Variants in SLC9B2 observed in about 807,000 individuals in gnomAD.
SLC9B2 encodes solute carrier family 9 member B2.
In SLC9B2, 39 loss-of-function variants were observed where a neutral mutation model predicts 52.2. That is an observed-to-expected ratio of 0.75 (90% confidence interval 0.58 to 0.98). SLC9B2 has a LOEUF of 0.98. SLC9B2 is among the 50% of genes least tolerant of loss of function. SLC9B2 has a pLI of 0.00. For synonymous variants in SLC9B2, 214 were observed against 227.0 expected (o/e 0.94, Z 0.51); for missense variants, 626 against 637.5 (o/e 0.98, Z 0.19).
At position 103,026,603 on chromosome 4, in the gene SLC9B2, T is replaced by TA. The variant is rs1199048402; in HGVS notation, c.1393-13dup. On this transcript the variant is annotated splice_polypyrimidine_tract_variant and intron_variant, in intron 11 of 11. Coordinates refer to ENST00000394785, the MANE Select transcript of SLC9B2 (RefSeq NM_178833.7). ...GATCCTATTGCAGCCTATAAAAGTTTAAGGGTAAAAATGGAATCATGATAA... is the reference window on the plus strand; with the variant it reads ...GATCCTATTGCAGCCTATAAAAGTTTAAAGGGTAAAAATGGAATCATGATAA... 10 of 1,597,246 alleles carry TA rather than the reference T, an allele frequency of 6.3e-6. No individual in the cohort carries two copies. In the African/African-American group the frequency reaches 1.3e-4, roughly 21 times the overall value.
chr4:103,045,170 T>C (rs1455219900), intron 7 of SLC9B2, among the ~76,000 whole-genome samples, 174 bp from the exon 8 acceptor site: 5 of 152,154 alleles, frequency 3.3e-5, no homozygotes, highest in Admixed American at 6.6e-5. Flanking sequence ...CCATAGCATA[T>C]AGGATTTAGG....
At chr4:103,038,046 GA>G (rs1743325965) in intron 9 of SLC9B2, among the ~76,000 whole-genome samples, 1 of 151,950 alleles carries the variant, frequency 6.6e-6, no homozygotes, top group Admixed American at 6.6e-5. Flanking sequence ...ATTTTTAGTA[GA>G]GATGAGGTTT....
Position 103,057,819 on chromosome 4 carries a change from G to C in SLC9B2, c.424C>G (p.Pro142Ala). 6.2e-7 allele frequency: 1 copy of C among 1,613,708 alleles called. No individual in the cohort carries two copies. Among genetic ancestry groups the C allele is most frequent in the East Asian group, 2.2e-5 (1 of 44,844 alleles). Residue 142 changes from proline to alanine, a missense_variant, in exon 4 of 12, where the codon CCA becomes GCA. Pro to Ala is a conservative substitution (Grantham distance 27). Coordinates refer to ENST00000394785, the MANE Select transcript of SLC9B2 (RefSeq NM_178833.7). ...LGLIKLPTLPPLPSLLGMLLA... is the reference protein window; with the variant it reads ...LGLIKLPTLPALPSLLGMLLA... ...CACTTACCAAGAAGAGAAGGCAGTG[G>C]AGGCAATGTAGGTAACTTAATAAGC...
At chr4:103,074,295 C>T (rs1161692623) in intron 1 of SLC9B2, among the ~76,000 whole-genome samples, 2 of 152,202 alleles carry the variant, frequency 1.3e-5, no homozygotes, top group Non-Finnish European at 2.9e-5. Flanking sequence ...CTTCAAACAT[C>T]TTCATGTATG....
At chr4:103,062,684 G>A (rs912507383) in intron 3 of SLC9B2, among the ~76,000 whole-genome samples, 2 of 151,992 alleles carry the variant, frequency 1.3e-5, no homozygotes, top group African/African-American at 4.8e-5. Context: ...GCAATGGCAC[G>A]ATCTCAACCT....
chr4:103,058,361 T>C (rs1198321753), intron 3 of SLC9B2, among the ~76,000 whole-genome samples: 1 of 152,236 alleles, frequency 6.6e-6, no homozygotes, highest in Admixed American at 6.5e-5. Flanking sequence ...CTAAGGTACC[T>C]TTTTTGAAAT....
chr4:103,035,800 C>G (rs548658801), intron 9 of SLC9B2, among the ~76,000 whole-genome samples: 1 of 152,224 alleles, frequency 6.6e-6, no homozygotes, highest in South Asian at 2.1e-4. Flanking sequence ...TAGAAATCAC[C>G]CTACCATTAA....
chr4:103,057,954 G>A lies in SLC9B2; in HGVS notation c.289C>T (p.Leu97=). The change falls in exon 4 of 12, where the codon CTG becomes TTG. Residue 97 remains leucine, a synonymous_variant. Transcript: ENST00000394785. ...GTAATTGACCAAACTACAGCCCACA[G>A]AAGAACAATGATGGTAACTGAAATA... The part of the protein sequence containing the change: ...VITNVTIIVL[L]WAVVWSITGS... 4 of 1,610,076 alleles carry A rather than the reference G, an allele frequency of 2.5e-6. No individual in the cohort carries two copies. In the South Asian group the frequency reaches 3.3e-5, roughly 13 times the overall value.
At chr4:103,029,018 G>A in intron 10 of SLC9B2, 135 bp from the exon 11 acceptor site, 1 of 726,302 alleles carries the variant, frequency 1.4e-6, no homozygotes, top group Non-Finnish European at 2.1e-6. Flanking sequence ...AAAATGTTTA[G>A]GAAGAATATA....
chr4:103,020,569 T>A (rs1332356089), downstream of SLC9B2, among the ~76,000 whole-genome samples: 1 of 152,224 alleles, frequency 6.6e-6, no homozygotes, highest in Non-Finnish European at 1.5e-5. Flanking sequence ...TTTTTCTTAG[T>A]CATCATCTAA....
chr4:103,037,863 CTT>C (rs58606567), intron 9 of SLC9B2, among the ~76,000 whole-genome samples: 15 of 141,594 alleles, frequency 1.1e-4, no homozygotes, highest in Admixed American at 1.4e-4. Flanking sequence ...AAAGGTAAGA[CTT>C]TTTTTTTTTT....
chr4:103,043,313 C>T lies in SLC9B2; in HGVS notation c.1129G>A (p.Gly377Arg), dbSNP rs1743797459. 3 of 1,610,090 alleles carry T rather than the reference C, an allele frequency of 1.9e-6. No individual in the cohort carries two copies. The African/African-American group carries it at 4.0e-5, about 22-fold the overall frequency. ...TLVMAFLAGM[G>R]WTSEKAEVEK... ...AAATTCACCTTTTCGCTGGTCCATC[C>T]CATGCCTGCAAGGAAAGCCATGACC... Residue 377 changes from glycine (G) to arginine (R), a missense_variant, in exon 9 of 12, where the codon GGA becomes AGA. Gly to Arg is a moderately radical substitution (Grantham distance 125, BLOSUM62 -2). Coordinates refer to ENST00000394785, the MANE Select transcript of SLC9B2 (RefSeq NM_178833.7).
At chr4:103,027,262 T>C (rs1251989682) in intron 11 of SLC9B2, among the ~76,000 whole-genome samples, 1 of 152,214 alleles carries the variant, frequency 6.6e-6, no homozygotes, top group Non-Finnish European at 1.5e-5. Flanking sequence ...TCTCCTTTTA[T>C]CTTTAGGAAT....
chr4:103,074,592 A>C (rs1746948310), intron 1 of SLC9B2, among the ~76,000 whole-genome samples: 1 of 152,254 alleles, frequency 6.6e-6, no homozygotes, highest in Non-Finnish European at 1.5e-5. Context: ...AAAGTTAAAA[A>C]TTAGTGCCAA....
At position 103,043,341 on chromosome 4, in the gene SLC9B2, C is replaced by A. The variant is rs367604688; in HGVS notation, c.1101G>T (p.Thr367=). 1.2e-6 allele frequency: 2 copies of A among 1,613,594 alleles called. No homozygotes were observed. The highest frequency in any genetic ancestry group is 1.7e-6 in the Non-Finnish European group (2 of 1,179,822). ...TGCCTGCAAGGAAAGCCATGACCAA[C>A]GTGCACAGTCCTCCTGATCCAGGGA... ...FGFPGSGGLC[T]LVMAFLAGMG... Residue 367 remains threonine (T), a synonymous_variant, in exon 9 of 12, where the codon ACG becomes ACT. Transcript: ENST00000394785.
At chr4:103,049,185 AC>A (rs1744442497) in intron 5 of SLC9B2, among the ~76,000 whole-genome samples, 165 bp from the exon 6 acceptor site, 1 of 152,152 alleles carries the variant, frequency 6.6e-6, no homozygotes, top group Non-Finnish European at 1.5e-5. Flanking sequence ...GTGTTTTCAG[AC>A]AGCTTATTAA....
chr4:103,065,453 A>C (rs1339573950), intron 3 of SLC9B2: 2 of 152,200 alleles, frequency 1.3e-5, no homozygotes, highest in East Asian at 3.8e-4. Flanking sequence ...GTATGTATAC[A>C]TACTTCAAAA....
At chr4:103,033,912 T>C (rs982118012) in intron 9 of SLC9B2, among the ~76,000 whole-genome samples, 2 of 152,160 alleles carry the variant, frequency 1.3e-5, no homozygotes, top group Non-Finnish European at 2.9e-5. Context: ...ATGATATTCC[T>C]ATCAAACTAC....
At chr4:103,072,060 T>TG (rs1746696748) in intron 1 of SLC9B2, among the ~76,000 whole-genome samples, 1 of 140,342 alleles carries the variant, frequency 7.1e-6, no homozygotes, top group Admixed American at 7.0e-5. Context: ...TTTCATGTTT[T>TG]TTTTTTTTTT....
Sources: gnomAD v4.1 joint callset for allele counts (sites outside exome capture counted in the v4.1 genomes callset) on GRCh38, gnomAD v4.1.1 for gene constraint, MANE v1.5 for transcripts, NCBI Gene and HGNC (gene_info 2026-07-23, HGNC 2026-07-21) for gene names.